Variants in SLC19A3 observed in about 807,000 individuals in gnomAD.
SLC19A3 encodes thiamine transporter 2.
A neutral mutation model predicts 40.2 loss-of-function variants in SLC19A3; 31 were observed. That is an observed-to-expected ratio of 0.77 (90% CI 0.58 to 1.04). The LOEUF (loss-of-function observed/expected upper bound fraction) is 1.04. SLC19A3 is among the 50% of genes least tolerant of loss of function. The probability of loss-of-function intolerance (pLI) is 0.00; values close to 1 mark genes in which losing one functional copy is unlikely to be tolerated. For synonymous variants in SLC19A3, 212 were observed against 227.5 expected, an observed-to-expected ratio of 0.93 and a Z score of 0.61; for missense variants, 592 against 596.7, an observed-to-expected ratio of 0.99 and a Z score of 0.08.
In SLC19A3 at chr2:227,684,980, C is replaced by CAAAAAAAAAAAAAAAAAAAAAAAAAAAA. The variant is rs60946199; in HGVS notation, c.*2416_*2417insTTTTTTTTTTTTTTTTTTTTTTTTTTTT. On this transcript the variant is annotated 3_prime_UTR_variant, in exon 6 of 6. Coordinates refer to ENST00000644224, the MANE Select transcript of SLC19A3 (RefSeq NM_025243.4). Reference sequence around the variant, plus strand: ...CCTGGGTGACAGAGCAAGATTCTATCAAAAAAAAAAAAAAAAAAAAAAAAA... The same window carrying CAAAAAAAAAAAAAAAAAAAAAAAAAAAA: ...CCTGGGTGACAGAGCAAGATTCTATCAAAAAAAAAAAAAAAAAAAAAAAAAAAAAAAAAAAAAAAAAAAAAAAAAAAAA... The CAAAAAAAAAAAAAAAAAAAAAAAAAAAA allele has an allele frequency of 1.6e-5, 1 of 62,420 alleles. No homozygotes were observed. Among genetic ancestry groups the CAAAAAAAAAAAAAAAAAAAAAAAAAAAA allele is most frequent in the Non-Finnish European group, 3.0e-5 (1 of 33,066 alleles). The allele number at this position is 62,420 out of a possible 1,614,324, so 3.9% of individuals were successfully genotyped here. A position where few individuals can be genotyped will look rare whatever the true frequency, so the allele number is the denominator to read the frequency against.
intron 5 of SLC19A3, 127 bp downstream of exon 5, chr2:227,688,039 G>T: frequency 9.8e-7 from 1 of 1,025,182 alleles, no homozygotes; most frequent in Non-Finnish European, 1.5e-6. Flanking sequence ...GTTATAATAT[G>T]ATAATGAAGG....
chr2:227,715,895 A>G (rs1318616567), intron 1 of SLC19A3, among the ~76,000 whole-genome samples: 1 of 138,866 alleles, frequency 7.2e-6, no homozygotes, highest in Non-Finnish European at 1.5e-5. Context: ...GGCTGCGGTG[A>G]GCCGAGATCC....
intron 3 of SLC19A3, 73 bp from the exon 4 acceptor site, chr2:227,696,154 A>G: frequency 7.0e-7 from 1 of 1,431,720 alleles, no homozygotes. Context: ...CCTCTCTTAA[A>G]AACCCAGGTC....
intron 5 of SLC19A3, 111 bp from the exon 6 acceptor site, chr2:227,687,684 T>A (rs1182868879): frequency 9.3e-7 from 1 of 1,074,874 alleles, no homozygotes; most frequent in Non-Finnish European, 1.4e-6. Flanking sequence ...GAGACCCAGG[T>A]TTTTAATATG....
chr2:227,712,630 GAATGTTCA>G (rs1212937137), intron 1 of SLC19A3, among the ~76,000 whole-genome samples: 1 of 152,134 alleles, frequency 6.6e-6, no homozygotes, highest in East Asian at 1.9e-4. Flanking sequence ...ATCTATCCAA[GAATGTTCA>G]TATATTTATA....
chr2:227,711,258 A>T (rs1000759821), intron 1 of SLC19A3, among the ~76,000 whole-genome samples: 5 of 151,908 alleles, frequency 3.3e-5, no homozygotes, highest in East Asian at 3.9e-4. Flanking sequence ...TCTCTAATAC[A>T]AATACAAAAG....
At chr2:227,710,159 C>A (rs2138407) in intron 1 of SLC19A3, among the ~76,000 whole-genome samples, 23,999 of 151,936 alleles carry the variant, frequency 0.16, 2,432 homozygotes, top group South Asian at 0.33. Flanking sequence ...TGTAATGGCC[C>A]GTTCTTAACA....
chr2:227,713,401 TAA>T (rs56014411), intron 1 of SLC19A3, among the ~76,000 whole-genome samples: 64,349 of 110,768 alleles, frequency 0.58, 20,464 homozygotes, highest in Middle Eastern at 0.76. Context: ...GACCCTGTTG[TAA>T]AAAAAAAAAA....
At chr2:227,688,790 A>T (rs1695116016) in intron 4 of SLC19A3, among the ~76,000 whole-genome samples, 1 of 152,214 alleles carries the variant, frequency 6.6e-6, no homozygotes, top group Non-Finnish European at 1.5e-5. Context: ...ATAAGGCACC[A>T]GGGACCAATC....
At position 227,703,298 on chromosome 2, in the gene SLC19A3, T is replaced by G. The variant is rs1463132733; in HGVS notation, c.-2-978A>C. On this transcript the variant is annotated intron_variant, in intron 1 of 5. Coordinates refer to ENST00000644224, the MANE Select transcript of SLC19A3 (RefSeq NM_025243.4). This position sits in a 1 kb window ranked among gnomAD's most constrained non-coding sequence, Gnocchi z 4.7. ...TCATTCCGGAATAGCAAGTCTTACC[T>G]GGGTGGAATTCCAGGTATCCAGTGG... is the stretch of plus-strand genomic sequence containing the variant. Among the ~76,000 whole-genome samples, 3 of 152,172 alleles carry G rather than the reference T, an allele frequency of 2.0e-5. No individual in the cohort carries two copies. The highest frequency in any genetic ancestry group is 7.2e-5 in the African/African-American group (3 of 41,456).
intron 1 of SLC19A3, among the ~76,000 whole-genome samples, chr2:227,707,413 T>C (rs4973226): frequency 0.97 from 147,635 of 152,044 alleles, 71,831 homozygotes; most frequent in South Asian, 1. Flanking sequence ...GGTGAAACCC[T>C]GTCTCTACAA....
chr2:227,701,088 T>C (rs943872673), intron 2 of SLC19A3: 1 of 1,301,766 alleles, frequency 7.7e-7, no homozygotes, highest in Non-Finnish European at 1.0e-6. Context: ...CTTTGTTGTC[T>C]TAATTGTGGC....
chr2:227,696,723 G>A (rs1427311808), intron 3 of SLC19A3, among the ~76,000 whole-genome samples: 1 of 152,138 alleles, frequency 6.6e-6, no homozygotes, highest in Non-Finnish European at 1.5e-5. Context: ...TGAAATAATT[G>A]ACAGTAATTA....
chr2:227,707,574 C>T (rs1695992260), intron 1 of SLC19A3, among the ~76,000 whole-genome samples: 1 of 151,602 alleles, frequency 6.6e-6, no homozygotes, highest in African/African-American at 2.4e-5. Flanking sequence ...GGAGCAAGAC[C>T]CTGTTCTCAA....
chr2:227,696,525 T>C (rs779545696), intron 3 of SLC19A3, among the ~76,000 whole-genome samples: 1 of 152,220 alleles, frequency 6.6e-6, no homozygotes, highest in Non-Finnish European at 1.5e-5. Flanking sequence ...CAGTGATGAG[T>C]ATCAGATGTG....
At chr2:227,688,764 T>C (rs889790153) in intron 4 of SLC19A3, among the ~76,000 whole-genome samples, 11 of 152,072 alleles carry the variant, frequency 7.2e-5, no homozygotes, top group African/African-American at 2.7e-4. Context: ...GAAAACGTTC[T>C]CACCAAACAA....
At chr2:227,704,122 A>C (rs540822498) in intron 1 of SLC19A3, among the ~76,000 whole-genome samples, 1 of 152,350 alleles carries the variant, frequency 6.6e-6, no homozygotes, top group South Asian at 2.1e-4. Context: ...GAATGAATTG[A>C]ATAAACAAAC....
Position 227,686,325 on chromosome 2 carries a change from T to G in SLC19A3, c.*1072A>C, listed in dbSNP as rs886055755. On this transcript the variant is annotated 3_prime_UTR_variant, in exon 6 of 6. Coordinates refer to ENST00000644224, the MANE Select transcript of SLC19A3 (RefSeq NM_025243.4). Reference sequence around the variant, plus strand: ...ACAGACACCACACAGGTGCTCTTTTTTGGGAGGAGGGGGATGAGAGTCTTA... The same window carrying G: ...ACAGACACCACACAGGTGCTCTTTTGTGGGAGGAGGGGGATGAGAGTCTTA... 7 of 287,760 alleles carry G rather than the reference T, an allele frequency of 2.4e-5. No individual in the cohort carries two copies. The highest frequency in any genetic ancestry group is 4.5e-5 in the Admixed American group (1 of 21,984). The allele number at this position is 287,760 out of a possible 1,614,324, so 17.8% of individuals were successfully genotyped here.
chr2:227,702,171 C>A lies in SLC19A3; in HGVS notation c.148G>T (p.Glu50Ter), dbSNP rs1131691902. ...GATATGTATGTATGTTAACTTACCT[C>A]TGCACTGGTCAGGTTTTTATCTGGT... ...SGPDKNLTSA[E>*]ITNEIFPVWT... The change falls in exon 2 of 6, where the codon GAG (glutamate) becomes TAG (stop). Residue 50 changes from glutamate (E) to a stop codon, truncating the protein, a stop_gained and splice_region_variant. Transcript: ENST00000644224. LOFTEE classifies it high-confidence loss of function. 1.2e-6 allele frequency: 2 copies of A among 1,613,104 alleles called. No individual in the cohort carries two copies. Among genetic ancestry groups the A allele is most frequent in the Non-Finnish European group, 1.7e-6 (2 of 1,179,184 alleles).
Sources: allele counts gnomAD v4.1 joint callset (sites outside exome capture counted in the v4.1 genomes callset), GRCh38; gene constraint gnomAD v4.1.1; non-coding constraint Gnocchi (gnomAD v3.1); transcripts MANE v1.5; gene names NCBI Gene and HGNC (gene_info 2026-07-23, HGNC 2026-07-21).